Variants in HS2ST1 observed in about 807,000 individuals in gnomAD.
The protein encoded by HS2ST1 is 2-O-sulfotransferase.
Under a neutral mutation model 42.9 loss-of-function variants are expected in HS2ST1, and 18 were observed. The ratio of observed to expected loss-of-function variants is 0.42; its 90% CI spans 0.29 to 0.62. HS2ST1 has a LOEUF of 0.62. Among genes scored for constraint, HS2ST1 ranks in the 20% least tolerant of loss-of-function variants. The pLI, the probability that HS2ST1 is intolerant of heterozygous loss-of-function variation, is 0.21. For missense variants in HS2ST1, 334 were observed against 433.8 expected (o/e 0.77, Z 2.04); for synonymous variants, 146 against 152.9 (o/e 0.95, Z 0.33).
At chr1:86,970,889 A>G (rs1648213450) in intron 1 of HS2ST1, among the ~76,000 whole-genome samples, 1 of 152,136 alleles carries the variant, frequency 6.6e-6, no homozygotes, top group Admixed American at 6.5e-5. Context: ...AATAATTTAC[A>G]GGTCAAATAT....
At chr1:87,072,530 G>A (rs1280926020) in intron 1 of HS2ST1, among the ~76,000 whole-genome samples, 1 of 152,114 alleles carries the variant, frequency 6.6e-6, no homozygotes, top group Non-Finnish European at 1.5e-5. Flanking sequence ...CAGGCTGTAG[G>A]AATTCTATTA....
intron 1 of HS2ST1, chr1:87,046,157 T>C: frequency 1.3e-6 from 1 of 750,486 alleles, no homozygotes. Flanking sequence ...CCCAAAACCG[T>C]GTTAATAGAG....
At chr1:87,066,263 T>C (rs1651247921) in intron 1 of HS2ST1, among the ~76,000 whole-genome samples, 2 of 152,232 alleles carry the variant, frequency 1.3e-5, no homozygotes, top group Non-Finnish European at 2.9e-5. Context: ...AGCTCAGATA[T>C]GTGCTGCCTT....
In HS2ST1 at chr1:86,946,988, A is replaced by G. The variant is rs1391422365; in HGVS notation, c.124+31828A>G. Among the ~76,000 whole-genome samples the G allele has an allele frequency of 2.6e-5, 4 of 152,190 alleles. No homozygotes were observed. The East Asian group carries it at 7.7e-4, about 29-fold the overall frequency. The stretch of plus-strand genomic sequence containing the variant: ...GGCTAATAAATTAGCCTACTACAGG[A>G]TAGTAATTATGGATAACTGAAGGTA... On this transcript the variant is annotated intron_variant, in intron 1 of 6. Transcript: ENST00000370550.
chr1:87,018,866 T>A (rs1350182744), intron 1 of HS2ST1, among the ~76,000 whole-genome samples: 1 of 152,244 alleles, frequency 6.6e-6, no homozygotes, highest in Non-Finnish European at 1.5e-5. Flanking sequence ...AATGATTCTT[T>A]ATGTTGAATT....
chr1:87,016,744 C>A (rs1649770812), intron 1 of HS2ST1, among the ~76,000 whole-genome samples: 1 of 152,262 alleles, frequency 6.6e-6, no homozygotes, highest in South Asian at 2.1e-4. Context: ...TTCACCCGTG[C>A]CCCCATTCTA....
At chr1:86,969,229 A>C (rs2102207223) in intron 1 of HS2ST1, among the ~76,000 whole-genome samples, 1 of 152,320 alleles carries the variant, frequency 6.6e-6, no homozygotes, top group South Asian at 2.1e-4. Flanking sequence ...TCTTAGTTCT[A>C]ACCTCAGTTA....
At chr1:86,951,377 C>T (rs1647509119) in intron 1 of HS2ST1, among the ~76,000 whole-genome samples, 1 of 151,916 alleles carries the variant, frequency 6.6e-6, no homozygotes, top group Non-Finnish European at 1.5e-5. Context: ...TCCAGAGCAC[C>T]GAAATAAGGC....
rs2274231 is a variant in HS2ST1 at position 87,103,447 on chromosome 1, G to A, written c.702G>A (p.Arg234=). 2.4e-4 allele frequency: 376 copies of A among 1,599,986 alleles called. 3 individuals are homozygous for A. In the East Asian group the frequency reaches 6.3e-3, roughly 27 times the overall value. Residue 234 remains arginine, a synonymous_variant, in exon 6 of 7, where the codon AGG becomes AGA. Transcript: ENST00000370550. The part of the protein sequence containing the change: ...HSSECWNVGS[R]WAMDQAKYNL... ...TTGGTTTCAGGAATGTGGGAAGCAG[G>A]TGGGCTATGGATCAAGCCAAGTATA...
At chr1:86,949,860 G>GT (rs1647452780) in intron 1 of HS2ST1, among the ~76,000 whole-genome samples, 1 of 152,152 alleles carries the variant, frequency 6.6e-6, no homozygotes, top group South Asian at 2.1e-4. Context: ...ATATAAAAAG[G>GT]TAGTGAGATG....
chr1:87,040,221 A>T (rs6693677), intron 1 of HS2ST1, among the ~76,000 whole-genome samples: 18,608 of 152,052 alleles, frequency 0.12, 1,227 homozygotes, highest in African/African-American at 0.14. Flanking sequence ...ATACCTCCTT[A>T]TTCTGATATA....
At chr1:87,080,686 C>G (rs565418632) in intron 2 of HS2ST1, among the ~76,000 whole-genome samples, 1 of 152,200 alleles carries the variant, frequency 6.6e-6, no homozygotes. Context: ...GAAACACAGT[C>G]TTATATCTCC....
chr1:87,034,032 T>C (rs936992869), intron 1 of HS2ST1, among the ~76,000 whole-genome samples: 7 of 152,202 alleles, frequency 4.6e-5, no homozygotes, highest in Non-Finnish European at 8.8e-5. Flanking sequence ...TAATGAGTAA[T>C]ATTTTGCAAA....
chr1:86,963,956 A>G (rs1457586594), intron 1 of HS2ST1, among the ~76,000 whole-genome samples: 1 of 134,984 alleles, frequency 7.4e-6, no homozygotes, highest in African/African-American at 2.9e-5. Flanking sequence ...TCACTTCCCA[A>G]ATGGGTCGGC....
At chr1:86,919,102 G>A (rs1283322935) in intron 1 of HS2ST1, among the ~76,000 whole-genome samples, 6 of 151,694 alleles carry the variant, frequency 4.0e-5, no homozygotes, top group African/African-American at 1.2e-4. Flanking sequence ...GTGCCACCAC[G>A]CCCAGGTAAT....
intron 1 of HS2ST1, among the ~76,000 whole-genome samples, chr1:87,005,224 T>C (rs1649402255): frequency 6.6e-6 from 1 of 152,222 alleles, no homozygotes; most frequent in East Asian, 1.9e-4. Flanking sequence ...AGAATCCTCT[T>C]CTGTACATGT....
intron 1 of HS2ST1, among the ~76,000 whole-genome samples, chr1:87,072,026 G>A (rs1325028905): frequency 6.6e-6 from 1 of 151,920 alleles, no homozygotes; most frequent in Non-Finnish European, 1.5e-5. Flanking sequence ...ATATTTGAAT[G>A]TATATTAGAA....
At chr1:86,936,681 C>T (rs1660660995) in intron 1 of HS2ST1, among the ~76,000 whole-genome samples, 1 of 152,138 alleles carries the variant, frequency 6.6e-6, no homozygotes, top group African/African-American at 2.4e-5. Flanking sequence ...AGGTTTCTTA[C>T]TCATTTTGCA....
At chr1:87,052,671 A>G (rs1212066779) in intron 1 of HS2ST1, among the ~76,000 whole-genome samples, 4 of 152,200 alleles carry the variant, frequency 2.6e-5, no homozygotes, top group South Asian at 2.1e-4. Flanking sequence ...AGTTAGTCCA[A>G]TAGAATCAGT....
Sources: gnomAD v4.1 joint callset for allele counts (sites outside exome capture counted in the v4.1 genomes callset) on GRCh38, gnomAD v4.1.1 for gene constraint, MANE v1.5 for transcripts, NCBI Gene and HGNC (gene_info 2026-07-23, HGNC 2026-07-21) for gene names.